Variants in ABCC1 observed in about 807,000 individuals in gnomAD.
ABCC1 encodes ATP binding cassette subfamily C member 1 (ABCC1 blood group), also known as multidrug resistance-associated protein 1.
In ABCC1, 83 loss-of-function variants were observed where a neutral mutation model predicts 172.9. The observed-to-expected ratio is 0.48, with a 90% confidence interval of 0.40 to 0.58. The LOEUF (loss-of-function observed/expected upper bound fraction) is 0.58, where lower values mean the gene tolerates loss of function less well. ABCC1 is among the 20% of genes least tolerant of loss of function. The probability of loss-of-function intolerance (pLI) is 0.00; values close to 1 mark genes in which losing one functional copy is unlikely to be tolerated. For synonymous variants in ABCC1, 937 were observed against 825.2 expected, an observed-to-expected ratio of 1.14 and a Z score of -2.32; for missense variants, 1,817 against 2,002.7, an observed-to-expected ratio of 0.91 and a Z score of 1.77.
At chr16:15,957,833 C>T (rs2046032714) in intron 1 of ABCC1, among the ~76,000 whole-genome samples, 1 of 152,202 alleles carries the variant, frequency 6.6e-6, no homozygotes. Flanking sequence ...ACCTCGTGAT[C>T]CGCCCGCCTC....
chr16:16,140,545 A>T (rs947834009), intron 30 of ABCC1, among the ~76,000 whole-genome samples: 6 of 152,192 alleles, frequency 3.9e-5, no homozygotes, highest in African/African-American at 1.4e-4. Context: ...TAAGTGGCAG[A>T]TGCTGAGTTG....
chr16:16,014,073 A>G (rs2047897802), intron 3 of ABCC1, among the ~76,000 whole-genome samples: 1 of 152,150 alleles, frequency 6.6e-6, no homozygotes, highest in African/African-American at 2.4e-5. Flanking sequence ...GGCCACTTTC[A>G]CACTGCAGTG....
chr16:15,984,556 C>T lies in ABCC1; in HGVS notation c.49-23260C>T, dbSNP rs1004162419. 2.6e-5 allele frequency among the ~76,000 whole-genome samples: 4 copies of T among 151,118 alleles called. No individual in the cohort carries two copies. The East Asian group carries it at 5.9e-4, about 22-fold the overall frequency. On this transcript the variant is annotated intron_variant, in intron 1 of 30. Coordinates refer to ENST00000399410, the MANE Select transcript of ABCC1 (RefSeq NM_004996.4). Reference sequence around the variant, plus strand: ...TTCCCAGTTTCAAGCGATTCTCCTGCCTCAGCCTTCTGAGTAGCTGAGATT... The same window carrying T: ...TTCCCAGTTTCAAGCGATTCTCCTGTCTCAGCCTTCTGAGTAGCTGAGATT...
At chr16:15,961,424 T>C (rs945274496) in intron 1 of ABCC1, among the ~76,000 whole-genome samples, 1 of 152,234 alleles carries the variant, frequency 6.6e-6, no homozygotes, top group African/African-American at 2.4e-5. Context: ...ACTGCAACTT[T>C]GTTGATGATG....
At chr16:15,978,959 A>G (rs190194935) in intron 1 of ABCC1, among the ~76,000 whole-genome samples, 1 of 152,290 alleles carries the variant, frequency 6.6e-6, no homozygotes, top group East Asian at 1.9e-4. Context: ...TATTAAGGCA[A>G]CAAGCAACAT....
At chr16:16,127,972 A>T (rs2045510081) in intron 26 of ABCC1, among the ~76,000 whole-genome samples, 1 of 146,914 alleles carries the variant, frequency 6.8e-6, no homozygotes, top group South Asian at 2.1e-4. Flanking sequence ...CCAGGCTGGA[A>T]TGCAGTGGCA....
chr16:16,106,539 C>A, intron 20 of ABCC1, 199 bp from the exon 21 acceptor site: 1 of 579,066 alleles, frequency 1.7e-6, no homozygotes, highest in Non-Finnish European at 2.9e-6. Flanking sequence ...CACTGCCTTT[C>A]TCTGGGTACC....
At chr16:15,965,838 C>G (rs1351546081) in intron 1 of ABCC1, among the ~76,000 whole-genome samples, 2 of 152,058 alleles carry the variant, frequency 1.3e-5, no homozygotes, top group Non-Finnish European at 2.9e-5. Context: ...CTCAGGTGAT[C>G]TGCCTCCCAA....
At chr16:16,043,624 T>G (rs2049078193) in intron 7 of ABCC1, among the ~76,000 whole-genome samples, 1 of 150,868 alleles carries the variant, frequency 6.6e-6, no homozygotes, top group African/African-American at 2.4e-5. Context: ...CTTTTTGAGA[T>G]GGAGTTTTGC....
At chr16:16,131,142 A>G (rs1300418059) in intron 26 of ABCC1, among the ~76,000 whole-genome samples, 1 of 152,194 alleles carries the variant, frequency 6.6e-6, no homozygotes, top group East Asian at 1.9e-4. Flanking sequence ...AACAATGTCT[A>G]TACAAATCAG....
chr16:16,095,519 C>G (rs970402205), intron 19 of ABCC1, among the ~76,000 whole-genome samples: 12 of 152,152 alleles, frequency 7.9e-5, no homozygotes, highest in African/African-American at 2.9e-4. Flanking sequence ...TTCCCCCTTA[C>G]CCTGCCCCCC....
intron 17 of ABCC1, among the ~76,000 whole-genome samples, chr16:16,086,529 G>A (rs1217359712): frequency 2.0e-5 from 3 of 152,118 alleles, no homozygotes; most frequent in Admixed American, 6.5e-5. Context: ...GCCATAGCTC[G>A]TTGCAGCCTG....
intron 1 of ABCC1, among the ~76,000 whole-genome samples, chr16:15,995,950 C>T (rs916245492): frequency 1.3e-5 from 2 of 149,470 alleles, no homozygotes; most frequent in East Asian, 2.0e-4. Context: ...GTTGGGATTA[C>T]AGGTGTGTAC....
chr16:16,001,632 G>A (rs1003431918), intron 1 of ABCC1, among the ~76,000 whole-genome samples: 1 of 152,280 alleles, frequency 6.6e-6, no homozygotes. Context: ...GCAGGAAAAC[G>A]TGATTGCTTT....
At chr16:16,119,726 T>C (rs994595433) in intron 23 of ABCC1, among the ~76,000 whole-genome samples, 1 of 152,036 alleles carries the variant, frequency 6.6e-6, no homozygotes, top group Non-Finnish European at 1.5e-5. Context: ...CAAATATTCA[T>C]CTCAGGTTAG....
intron 1 of ABCC1, among the ~76,000 whole-genome samples, chr16:15,978,637 G>A (rs1463104613): frequency 1.3e-5 from 2 of 152,098 alleles, no homozygotes; most frequent in African/African-American, 2.4e-5. Context: ...CCTGATACAA[G>A]CAAAGCTCAG....
At chr16:16,007,110 T>C (rs2047569722) in intron 1 of ABCC1, among the ~76,000 whole-genome samples, 1 of 152,120 alleles carries the variant, frequency 6.6e-6, no homozygotes. Flanking sequence ...TCTCCATCTT[T>C]CGTACTACAG....
chr16:16,132,204 T>G (rs1352568287), intron 27 of ABCC1, among the ~76,000 whole-genome samples: 1 of 152,106 alleles, frequency 6.6e-6, no homozygotes, highest in Non-Finnish European at 1.5e-5. Flanking sequence ...TTGTTGTTGT[T>G]GTTGAGAGAG....
At chr16:16,105,929 T>G (rs1169710205) in intron 20 of ABCC1, among the ~76,000 whole-genome samples, 2 of 145,932 alleles carry the variant, frequency 1.4e-5, no homozygotes, top group Non-Finnish European at 3.0e-5. Context: ...GAGGCTGGAG[T>G]GCAGTGGTGC....
Sources: gnomAD v4.1 joint callset for allele counts (sites outside exome capture counted in the v4.1 genomes callset) on GRCh38, gnomAD v4.1.1 for gene constraint, MANE v1.5 for transcripts, NCBI Gene and HGNC (gene_info 2026-07-23, HGNC 2026-07-21) for gene names.